The following PXDNL variants were observed in gnomAD, a reference collection of about 807,000 sequenced individuals.
PXDNL encodes the protein probable oxidoreductase PXDNL.
PXDNL carries 145 observed loss-of-function variants against 150.8 expected under a neutral mutation model. That is an observed-to-expected ratio of 0.96 (90% CI 0.84 to 1.10). The LOEUF (loss-of-function observed/expected upper bound fraction) is 1.10, where lower values mean the gene tolerates loss of function less well. Ranked by LOEUF, PXDNL falls within the 50% of genes least tolerant of loss-of-function variation. PXDNL has a pLI of 0.00. For missense variants in PXDNL, 2,087 were observed against 1,873.9 expected (o/e 1.11, Z -2.10); for synonymous variants, 757 against 725.7 (o/e 1.04, Z -0.69).
At chr8:51,498,478 A>G (rs1375475127) in intron 5 of PXDNL, among the ~76,000 whole-genome samples, 2 of 152,158 alleles carry the variant, frequency 1.3e-5, no homozygotes, top group African/African-American at 4.8e-5. Flanking sequence ...AGGTATTAGA[A>G]AAACTGAAGT....
chr8:51,734,132 G>C (rs191566694), intron 1 of PXDNL, among the ~76,000 whole-genome samples: 2 of 152,038 alleles, frequency 1.3e-5, no homozygotes, highest in African/African-American at 4.8e-5. Context: ...GCGGAGCTTT[G>C]AAAGATCAAT....
At chr8:51,473,055 C>A (rs1810383165) in intron 7 of PXDNL, among the ~76,000 whole-genome samples, 1 of 152,004 alleles carries the variant, frequency 6.6e-6, no homozygotes, top group African/African-American at 2.4e-5. Context: ...TTCCGTAGAT[C>A]TTTAGTAATC....
At chr8:51,572,055 A>G (rs1812956851) in intron 3 of PXDNL, among the ~76,000 whole-genome samples, 1 of 151,862 alleles carries the variant, frequency 6.6e-6, no homozygotes, top group Non-Finnish European at 1.5e-5. Context: ...TAAATTGAAA[A>G]CAGTGTAGAT....
intron 19 of PXDNL, among the ~76,000 whole-genome samples, chr8:51,352,339 C>T (rs1472992080): frequency 6.6e-6 from 1 of 152,106 alleles, no homozygotes; most frequent in Non-Finnish European, 1.5e-5. Context: ...CGAGATCAAC[C>T]TAAAAGTGCA....
In PXDNL at chr8:51,371,815, A is replaced by G. The variant is rs910251683; in HGVS notation, c.3901+58T>C. On this transcript the variant is annotated intron_variant, in intron 19 of 22. Transcript: ENST00000356297. ...CGCATAATCTTTACCACTGAAAACA[A>G]TTCAAGCATGAGAACATGCACATCA... 2.1e-6 allele frequency: 3 copies of G among 1,420,884 alleles called. No individual in the cohort carries two copies. The Admixed American group carries it at 5.4e-5, about 26-fold the overall frequency. The allele number at this position is 1,420,884 out of a possible 1,614,324, so 88.0% of individuals were successfully genotyped here.
Position 51,795,442 on chromosome 8 carries a change from C to A in PXDNL, c.164+13739G>T, listed in dbSNP as rs115631123. Among the ~76,000 whole-genome samples, 589 of 152,308 alleles carry A rather than the reference C, an allele frequency of 3.9e-3. 6 individuals carry two copies. Among genetic ancestry groups the A allele is most frequent in the African/African-American group, 0.014 (567 of 41,560 alleles). On this transcript the variant is annotated intron_variant, in intron 1 of 22. Coordinates refer to ENST00000356297, the MANE Select transcript of PXDNL (RefSeq NM_144651.5). ...GCAAAATAACTGAAATCATAGCAAA[C>A]AGTATCTCAGAATACAGTGCAATCA...
chr8:51,574,325 T>G (rs6985833), intron 3 of PXDNL, among the ~76,000 whole-genome samples: 61,375 of 151,282 alleles, frequency 0.41, 14,142 homozygotes, highest in African/African-American at 0.63. Flanking sequence ...AACAGAAAAA[T>G]AAGTGCACTT....
At chr8:51,652,736 G>A (rs1815067812) in intron 2 of PXDNL, among the ~76,000 whole-genome samples, 1 of 152,148 alleles carries the variant, frequency 6.6e-6, no homozygotes, top group South Asian at 2.1e-4. Flanking sequence ...AAGGAATATA[G>A]ATAATGTATA....
At chr8:51,683,142 C>T (rs1815790237) in intron 1 of PXDNL, among the ~76,000 whole-genome samples, 1 of 128,988 alleles carries the variant, frequency 7.8e-6, no homozygotes. Context: ...TCTCCACATC[C>T]TTACTAACAC....
rs1279476260 is a variant in PXDNL, at chr8:51,475,114, A to G, written c.552T>C (p.Cys184=). 2 of 1,613,798 alleles carry G rather than the reference A, an allele frequency of 1.2e-6. No homozygotes were observed. Among genetic ancestry groups the G allele is most frequent in the Non-Finnish European group, 1.7e-6 (2 of 1,179,698 alleles). Residue 184 remains cysteine, a synonymous_variant, in exon 7 of 23, where the codon TGT becomes TGC. Coordinates refer to ENST00000356297, the MANE Select transcript of PXDNL (RefSeq NM_144651.5). ...RLRLDSNALV[C]DCDLMWLGEL... is the part of the protein sequence containing the mutation. Reference sequence around the variant, plus strand: ...CCCCCAGCCACATCAGATCACAGTCACAAACCAGGGCGTTGGAATCCAGAC... The same window carrying G: ...CCCCCAGCCACATCAGATCACAGTCGCAAACCAGGGCGTTGGAATCCAGAC...
At chr8:51,407,061 G>T (rs1164517467) in intron 17 of PXDNL, among the ~76,000 whole-genome samples, 2 of 152,186 alleles carry the variant, frequency 1.3e-5, no homozygotes, top group South Asian at 2.1e-4. Context: ...GGTATCCTGA[G>T]ATTGAAAACT....
chr8:51,643,002 T>C (rs1021393185), intron 2 of PXDNL, among the ~76,000 whole-genome samples: 36 of 152,168 alleles, frequency 2.4e-4, no homozygotes, highest in African/African-American at 8.4e-4. Context: ...GAAGGACCTC[T>C]TCAAGGAGAA....
chr8:51,670,265 G>A (rs975686180), intron 1 of PXDNL, among the ~76,000 whole-genome samples: 2 of 151,966 alleles, frequency 1.3e-5, no homozygotes, highest in Non-Finnish European at 2.9e-5. Context: ...AAGATTTCTT[G>A]CTTCAGTTGG....
At chr8:51,467,237 A>G (rs2130065145) in intron 8 of PXDNL, among the ~76,000 whole-genome samples, 1 of 152,266 alleles carries the variant, frequency 6.6e-6, no homozygotes, top group South Asian at 2.1e-4. Context: ...TGTCCTTTGC[A>G]ACAACTTGAA....
chr8:51,695,224 G>A (rs1563509413), intron 1 of PXDNL, among the ~76,000 whole-genome samples: 1 of 152,000 alleles, frequency 6.6e-6, no homozygotes, highest in Admixed American at 6.6e-5. Context: ...AATCAATATA[G>A]TTTTTTGCTT....
chr8:51,802,842 AGG>A (rs1188278730), intron 1 of PXDNL, among the ~76,000 whole-genome samples: 1 of 152,242 alleles, frequency 6.6e-6, no homozygotes, highest in East Asian at 1.9e-4. Flanking sequence ...AGAACACACC[AGG>A]ATGTTTAAGT....
At chr8:51,689,321 AT>A (rs10719215) in intron 1 of PXDNL, among the ~76,000 whole-genome samples, 98,720 of 146,574 alleles carry the variant, frequency 0.67, 33,259 homozygotes, top group Middle Eastern at 0.73. Flanking sequence ...AGACATCCAG[AT>A]TTTTTTTTTT....
chr8:51,461,828 CA>C (rs1810091465), intron 8 of PXDNL, among the ~76,000 whole-genome samples: 1 of 152,180 alleles, frequency 6.6e-6, no homozygotes, highest in South Asian at 2.1e-4. Flanking sequence ...GTATATCTCT[CA>C]CTTCCTGTCT....
At chr8:51,739,596 A>C (rs2036881592) in intron 1 of PXDNL, among the ~76,000 whole-genome samples, 1 of 152,072 alleles carries the variant, frequency 6.6e-6, no homozygotes, top group South Asian at 2.1e-4. Flanking sequence ...AATACACAAA[A>C]ATCAATTTCA....
Sources: allele counts gnomAD v4.1 joint callset (sites outside exome capture counted in the v4.1 genomes callset), GRCh38; gene constraint gnomAD v4.1.1; transcripts MANE v1.5; gene names NCBI Gene and HGNC (gene_info 2026-07-23, HGNC 2026-07-21).